The following TYW3 variants were observed in gnomAD, a reference collection of about 807,000 sequenced individuals.
TYW3 encodes the protein tRNA-yW synthesizing protein 3 homolog, also known as tRNA wybutosine-synthesizing protein 3 homolog.
TYW3 carries 26 observed loss-of-function variants against 23.1 expected under a neutral mutation model. That is an observed-to-expected ratio of 1.13 (90% CI 0.83 to 1.56). The LOEUF (loss-of-function observed/expected upper bound fraction) is 1.56, where lower values mean the gene tolerates loss of function less well. TYW3 is among the 40% of genes most tolerant of loss of function. The probability of loss-of-function intolerance (pLI) is 0.00; values close to 1 mark genes in which losing one functional copy is unlikely to be tolerated. For synonymous variants in TYW3, 102 were observed against 105.7 expected (o/e 0.97, Z 0.21); for missense variants, 316 against 311.9 (o/e 1.01, Z -0.10).
chr1:74,750,003 A>C (rs1648721742), intron 4 of TYW3: 1 of 152,164 alleles, frequency 6.6e-6, no homozygotes, highest in Non-Finnish European at 1.5e-5. Flanking sequence ...TTATGTCCCC[A>C]TCTCACTCTT....
intron 3 of TYW3, among the ~76,000 whole-genome samples, chr1:74,748,065 T>C (rs1474333392): frequency 6.6e-6 from 1 of 152,180 alleles, no homozygotes; most frequent in African/African-American, 2.4e-5. Flanking sequence ...TCCTGTATAA[T>C]GGAGAATGTT....
At chr1:74,760,521 G>C (rs1649106048) in intron 5 of TYW3, among the ~76,000 whole-genome samples, 1 of 152,086 alleles carries the variant, frequency 6.6e-6, no homozygotes, top group South Asian at 2.1e-4. Context: ...TTGCAGTTCA[G>C]CCCAGGCATT....
At position 74,766,070 on chromosome 1, in the gene TYW3, C is replaced by G. The variant is rs1266351512; in HGVS notation, c.*1957C>G. 6.6e-6 allele frequency: 1 copy of G among 151,934 alleles called. No individual in the cohort carries two copies. The highest frequency in any genetic ancestry group is 2.4e-5 in the African/African-American group (1 of 41,358). The allele number at this position is 151,934 out of a possible 1,614,324, so 9.4% of individuals were successfully genotyped here. A position where few individuals can be genotyped will look rare whatever the true frequency, so the allele number is the denominator to read the frequency against. The stretch of plus-strand genomic sequence containing the variant: ...GGTGGCCCCATAAGATTATAATGGA[C>G]CTGAAAAATTCCTATTGCTAGTGAT... On this transcript the variant is annotated 3_prime_UTR_variant, in exon 6 of 6. Transcript: ENST00000370867.
intron 5 of TYW3, among the ~76,000 whole-genome samples, chr1:74,753,564 A>G (rs1179904082): frequency 6.6e-6 from 1 of 152,206 alleles, no homozygotes; most frequent in African/African-American, 2.4e-5. Context: ...GTCTGGTTCC[A>G]CCAAATTGCT....
At chr1:74,736,764 C>A in intron 2 of TYW3, 142 bp downstream of exon 2, 2 of 630,068 alleles carry the variant, frequency 3.2e-6, no homozygotes, top group Non-Finnish European at 5.2e-6. Context: ...GCTTTCATTA[C>A]AATGGCTCTT....
At chr1:74,747,771 G>A (rs981585760) in intron 3 of TYW3, among the ~76,000 whole-genome samples, 1 of 150,324 alleles carries the variant, frequency 6.7e-6, no homozygotes, top group African/African-American at 2.5e-5. Flanking sequence ...ATGTGTATAT[G>A]TGTGTATATG....
intron 3 of TYW3, among the ~76,000 whole-genome samples, chr1:74,740,922 A>G (rs936998350): frequency 1.3e-5 from 2 of 152,010 alleles, no homozygotes; most frequent in African/African-American, 4.8e-5. Context: ...CTCTCAATCC[A>G]CCCTCTAAAC....
chr1:74,752,218 C>T (rs922131133), intron 4 of TYW3, 74 bp from the exon 5 acceptor site: 108 of 1,461,544 alleles, frequency 7.4e-5, no homozygotes, highest in African/African-American at 1.8e-4. Context: ...ACAGCCCTGA[C>T]GGGACTTTTC....
chr1:74,752,452 ATTC>A, intron 5 of TYW3, 27 bp downstream of exon 5: 1 of 1,603,038 alleles, frequency 6.2e-7, no homozygotes, highest in Non-Finnish European at 8.5e-7. Context: ...TTTCCATGTT[ATTC>A]TTATATGCCT....
rs949050196 is a variant in TYW3, at chr1:74,764,990, C to G, written c.*877C>G. The G allele has an allele frequency of 2.6e-5, 4 of 152,082 alleles. No homozygotes were observed. Among genetic ancestry groups the G allele is most frequent in the African/African-American group, 7.2e-5 (3 of 41,426 alleles). The allele number at this position is 152,082 out of a possible 1,614,324, so 9.4% of individuals were successfully genotyped here. A position where few individuals can be genotyped will look rare whatever the true frequency, so the allele number is the denominator to read the frequency against. On this transcript the variant is annotated 3_prime_UTR_variant, in exon 6 of 6. Coordinates refer to ENST00000370867, the MANE Select transcript of TYW3 (RefSeq NM_138467.3). Reference sequence around the variant, plus strand: ...TCTAGCATGGAGGTAGACAGTGTTTCCTTAATATGGCTGCATATCAGAATT... The same window carrying G: ...TCTAGCATGGAGGTAGACAGTGTTTGCTTAATATGGCTGCATATCAGAATT...
At chr1:74,741,442 G>T (rs1183317310) in intron 3 of TYW3, among the ~76,000 whole-genome samples, 2 of 152,046 alleles carry the variant, frequency 1.3e-5, no homozygotes, top group Non-Finnish European at 1.5e-5. Context: ...CTGGGGTGTG[G>T]TGAATCCAAG....
At chr1:74,744,014 T>C (rs1648458990) in intron 3 of TYW3, among the ~76,000 whole-genome samples, 1 of 152,100 alleles carries the variant, frequency 6.6e-6, no homozygotes, top group African/African-American at 2.4e-5. Flanking sequence ...CAAATTCCCC[T>C]CCCGCTACAG....
At chr1:74,748,619 T>G in intron 3 of TYW3, 132 bp from the exon 4 acceptor site, 1 of 763,646 alleles carries the variant, frequency 1.3e-6, no homozygotes, top group South Asian at 1.6e-5. Context: ...TAGTCCGTAT[T>G]GGCTAGACGA....
intron 3 of TYW3, among the ~76,000 whole-genome samples, chr1:74,743,586 G>C (rs114084106): frequency 0.018 from 2,714 of 152,216 alleles, 84 homozygotes; most frequent in African/African-American, 0.062. Flanking sequence ...GGACATCGTT[G>C]AGTAATTCAT....
intron 5 of TYW3, among the ~76,000 whole-genome samples, chr1:74,755,571 G>C (rs894377479): frequency 6.6e-6 from 1 of 152,152 alleles, no homozygotes; most frequent in Non-Finnish European, 1.5e-5. Flanking sequence ...TTTATTCATT[G>C]ATGTGTCAAT....
At position 74,736,526 on chromosome 1, in the gene TYW3, T is replaced by G. The variant is rs750451521; in HGVS notation, c.175-16T>G. ...AATATTATATGAAACTTAAATTATGTTATTTTTTATTTTAGGGTATAAATG... is the reference window on the plus strand; with the variant it reads ...AATATTATATGAAACTTAAATTATGGTATTTTTTATTTTAGGGTATAAATG... On this transcript the variant is annotated splice_polypyrimidine_tract_variant and intron_variant, in intron 1 of 5. Transcript: ENST00000370867. 4.5e-6 allele frequency: 7 copies of G among 1,562,754 alleles called. No individual in the cohort carries two copies. The African/African-American group carries it at 6.8e-5, about 15-fold the overall frequency.
chr1:74,733,456 A>C (rs776015388), intron 1 of TYW3, 38 bp downstream of exon 1: 28 of 1,610,034 alleles, frequency 1.7e-5, no homozygotes, highest in Non-Finnish European at 2.4e-5. Flanking sequence ...CCTGCCTTCT[A>C]GTGCGAAACT....
chr1:74,735,748 A>G (rs376310964), intron 1 of TYW3, among the ~76,000 whole-genome samples: 3 of 152,342 alleles, frequency 2.0e-5, no homozygotes, highest in Admixed American at 6.5e-5. Context: ...AAGTCATACA[A>G]TGAAGTCAAA....
intron 2 of TYW3, 107 bp downstream of exon 2, chr1:74,736,729 G>A: frequency 1.2e-6 from 1 of 839,600 alleles, no homozygotes; most frequent in Non-Finnish European, 1.8e-6. Context: ...GAGTTATAAT[G>A]GCTGAAGATT....
Sources: gnomAD v4.1 joint callset for allele counts (sites outside exome capture counted in the v4.1 genomes callset) on GRCh38, gnomAD v4.1.1 for gene constraint, MANE v1.5 for transcripts, NCBI Gene and HGNC (gene_info 2026-07-23, HGNC 2026-07-21) for gene names.